UBE2W: variants seen among roughly 807,000 people sequenced by gnomAD.
UBE2W encodes ubiquitin conjugating enzyme E2 W.
Under a neutral mutation model 27.2 loss-of-function variants are expected in UBE2W, and 18 were observed. That is an observed-to-expected ratio of 0.66 (90% CI 0.46 to 0.98). The LOEUF (loss-of-function observed/expected upper bound fraction) is 0.98. Among genes scored for constraint, UBE2W ranks in the 50% least tolerant of loss-of-function variants. UBE2W has a pLI of 0.00. For missense variants in UBE2W, 90 were observed against 180.2 expected, an observed-to-expected ratio of 0.50 and a Z score of 2.87; for synonymous variants, 53 against 57.2, an observed-to-expected ratio of 0.93 and a Z score of 0.33.
Position 73,788,408 on chromosome 8 carries a change from C to T in UBE2W, c.*5694G>A, listed in dbSNP as rs117755176. ...TCTGAATAATAAAAGGAAAATGGCA[C>T]CAACTAAAACAAACAAATTCATTTT... On this transcript the variant is annotated 3_prime_UTR_variant, in exon 6 of 6. Coordinates refer to ENST00000602593, the MANE Select transcript of UBE2W (RefSeq NM_018299.6). 5.0e-3 allele frequency: 4,920 copies of T among 985,354 alleles called. 21 individuals are homozygous for T. Among genetic ancestry groups the T allele is most frequent in the Non-Finnish European group, 5.7e-3 (4,743 of 829,896 alleles). The allele number at this position is 985,354 out of a possible 1,614,324, so 61.0% of individuals were successfully genotyped here.
At position 73,786,535 on chromosome 8, in the gene UBE2W, GAAGA is replaced by G. The variant is rs1374333514; in HGVS notation, c.*7563_*7566del. ...TCAGGATAGATGACTGGTAGGGAGA[GAAGA>G]AAGGACAAGGATGATAACCTTTCAG... On this transcript the variant is annotated 3_prime_UTR_variant, in exon 6 of 6. Transcript: ENST00000602593. The G allele has an allele frequency of 3.0e-6, 3 of 985,466 alleles. No homozygotes were observed. Among genetic ancestry groups the G allele is most frequent in the East Asian group, 1.1e-4 (1 of 8,824 alleles). 61.0% of individuals were successfully genotyped at this position (985,466 alleles called of 1,614,324 possible).
chr8:73,782,122 T>G (rs1807858008), downstream of UBE2W, among the ~76,000 whole-genome samples: 1 of 150,608 alleles, frequency 6.6e-6, no homozygotes, highest in South Asian at 2.1e-4. Context: ...TTTTTTTTTG[T>G]ATTTTTAGAA....
intron 1 of UBE2W, among the ~76,000 whole-genome samples, chr8:73,878,231 G>A (rs559188293): frequency 2.0e-5 from 3 of 152,358 alleles, no homozygotes; most frequent in East Asian, 1.9e-4. Context: ...AGATACCCAC[G>A]GGCACAGGAT....
Position 73,791,620 on chromosome 8 carries a change from A to T in UBE2W, c.*2482T>A. 2.0e-6 allele frequency: 2 copies of T among 985,080 alleles called. No individual in the cohort carries two copies. Among genetic ancestry groups the T allele is most frequent in the Non-Finnish European group, 2.4e-6 (2 of 829,650 alleles). 61.0% of individuals were successfully genotyped at this position (985,080 alleles called of 1,614,324 possible). On this transcript the variant is annotated 3_prime_UTR_variant, in exon 6 of 6. Coordinates refer to ENST00000602593, the MANE Select transcript of UBE2W (RefSeq NM_018299.6). ...TCTCTGTAGAGCAATGACTCAGATA[A>T]ATGCCTTATGACTTTTAATAATGTA...
At position 73,870,125 on chromosome 8, in the gene UBE2W, G is replaced by A. The variant is rs1016703265; in HGVS notation, c.15+8683C>T. 3 of 843,450 alleles carry A rather than the reference G, an allele frequency of 3.6e-6. No homozygotes were observed. The African/African-American group carries it at 5.1e-5, about 14-fold the overall frequency. 52.2% of individuals were successfully genotyped at this position (843,450 alleles called of 1,614,324 possible). Reference sequence around the variant, plus strand: ...ACCACTGAACTGTATACTTTAAAAGGGTAAGTTTTATATGTGGATTATATT... The same window carrying A: ...ACCACTGAACTGTATACTTTAAAAGAGTAAGTTTTATATGTGGATTATATT... On this transcript the variant is annotated intron_variant, in intron 1 of 5. Transcript: ENST00000602593.
At chr8:73,813,890 C>A (rs1809277196) in intron 3 of UBE2W, among the ~76,000 whole-genome samples, 1 of 151,936 alleles carries the variant, frequency 6.6e-6, no homozygotes, top group Non-Finnish European at 1.5e-5. Context: ...TGCCACCACA[C>A]CCAGCTAATT....
intron 5 of UBE2W, among the ~76,000 whole-genome samples, 157 bp from the exon 6 acceptor site, chr8:73,794,272 T>C (rs779931153): frequency 3.3e-5 from 5 of 152,322 alleles, no homozygotes; most frequent in South Asian, 4.1e-4. Flanking sequence ...AAGTGCAATA[T>C]ATGTTCAATT....
At chr8:73,820,638 A>G (rs1164804432) in intron 3 of UBE2W, among the ~76,000 whole-genome samples, 1 of 152,086 alleles carries the variant, frequency 6.6e-6, no homozygotes, top group Non-Finnish European at 1.5e-5. Context: ...CTACTCAGAG[A>G]GGCTGAGGTG....
chr8:73,818,179 C>T (rs1809471431), intron 3 of UBE2W, among the ~76,000 whole-genome samples: 1 of 152,220 alleles, frequency 6.6e-6, no homozygotes, highest in Admixed American at 6.5e-5. Flanking sequence ...TGTACAGTTG[C>T]ATATGCCAAA....
At position 73,869,023 on chromosome 8, in the gene UBE2W, A is replaced by G. The variant is rs201487432; in HGVS notation, c.15+9785T>C. Reference sequence around the variant, plus strand: ...AAAACAGGAAACACAAATATCTGATATTTAAATAACTGGTGAATGGATAAA... The same window carrying G: ...AAAACAGGAAACACAAATATCTGATGTTTAAATAACTGGTGAATGGATAAA... On this transcript the variant is annotated intron_variant, in intron 1 of 5. Transcript: ENST00000602593. Among the ~76,000 whole-genome samples the G allele has an allele frequency of 1.9e-4, 29 of 152,362 alleles. No individual in the cohort carries two copies. The East Asian group carries it at 5.6e-3, about 29-fold the overall frequency.
At chr8:73,825,702 G>A (rs1379528015) in intron 2 of UBE2W, among the ~76,000 whole-genome samples, 2 of 152,186 alleles carry the variant, frequency 1.3e-5, no homozygotes, top group East Asian at 1.9e-4. Context: ...TCAGGAGGCT[G>A]AGGCAGGAGA....
intron 2 of UBE2W, 95 bp from the exon 3 acceptor site, chr8:73,825,344 C>G (rs1809792651): frequency 1.2e-6 from 1 of 800,306 alleles, no homozygotes; most frequent in Non-Finnish European, 2.0e-6. Context: ...ACACTAAGCA[C>G]TAGGACAAGA....
At chr8:73,834,769 A>G (rs1810237231) in intron 1 of UBE2W, among the ~76,000 whole-genome samples, 1 of 151,968 alleles carries the variant, frequency 6.6e-6, no homozygotes. Context: ...ATTAGCTAGG[A>G]GTGGTGGCAT....
intron 5 of UBE2W, among the ~76,000 whole-genome samples, chr8:73,797,807 C>T (rs1808482393): frequency 6.6e-6 from 1 of 152,178 alleles, no homozygotes; most frequent in Admixed American, 6.5e-5. Flanking sequence ...CAATTCATTT[C>T]CTATGAGCTT....
intron 1 of UBE2W, among the ~76,000 whole-genome samples, chr8:73,867,858 C>T (rs115802482): frequency 6.6e-6 from 1 of 152,078 alleles, no homozygotes; most frequent in South Asian, 2.1e-4. Context: ...TGCCACTTCA[C>T]ACTAGGATGC....
At chr8:73,873,331 T>G (rs987878170) in intron 1 of UBE2W, among the ~76,000 whole-genome samples, 9 of 152,182 alleles carry the variant, frequency 5.9e-5, no homozygotes, top group African/African-American at 2.2e-4. Flanking sequence ...CCATGTTCCA[T>G]CTCTCTCAAT....
intron 1 of UBE2W, among the ~76,000 whole-genome samples, chr8:73,867,367 T>C (rs1411153023): frequency 6.6e-6 from 1 of 151,870 alleles, no homozygotes; most frequent in African/African-American, 2.4e-5. Context: ...AAACCCCATC[T>C]CTACTAAAAA....
At chr8:73,844,898 C>A (rs1422419874) in intron 1 of UBE2W, among the ~76,000 whole-genome samples, 1 of 151,158 alleles carries the variant, frequency 6.6e-6, no homozygotes, top group Non-Finnish European at 1.5e-5. Flanking sequence ...AAGTGAGGAG[C>A]CCCTCCGCCC....
At chr8:73,836,237 T>TA (rs964111095) in intron 1 of UBE2W, among the ~76,000 whole-genome samples, 14 of 152,052 alleles carry the variant, frequency 9.2e-5, no homozygotes, top group Non-Finnish European at 4.4e-5. Flanking sequence ...ATTATTACAT[T>TA]AAAAAAAGAC....
Sources: allele counts gnomAD v4.1 joint callset (sites outside exome capture counted in the v4.1 genomes callset), GRCh38; gene constraint gnomAD v4.1.1; transcripts MANE v1.5; gene names NCBI Gene and HGNC (gene_info 2026-07-23, HGNC 2026-07-21).